Variants in MTREX observed in about 807,000 individuals in gnomAD.
MTREX encodes exosome RNA helicase MTR4.
A neutral mutation model predicts 135.4 loss-of-function variants in MTREX; 76 were observed. The ratio of observed to expected loss-of-function variants is 0.56; its 90% confidence interval spans 0.47 to 0.68. The LOEUF (loss-of-function observed/expected upper bound fraction) is 0.68, where lower values mean the gene tolerates loss of function less well. MTREX is among the 30% of genes least tolerant of loss of function. The pLI is 0.00. For synonymous variants in MTREX, 404 were observed against 401.6 expected (o/e 1.01, Z -0.07); for missense variants, 920 against 1,262.1 (o/e 0.73, Z 4.11).
At chr5:55,400,528 A>C in intron 21 of MTREX, 107 bp downstream of exon 21, 1 of 666,966 alleles carries the variant, frequency 1.5e-6, no homozygotes, top group Admixed American at 3.2e-5. Context: ...AAACAGGAAA[A>C]TGTGAGCTAT....
chr5:55,357,445 G>T, intron 14 of MTREX: 1 of 155,940 alleles, frequency 6.4e-6, no homozygotes, highest in South Asian at 1.9e-4. Flanking sequence ...GAGTGCCACT[G>T]AACAGCTGCA....
intron 16 of MTREX, among the ~76,000 whole-genome samples, chr5:55,368,649 TG>T (rs1216209632): frequency 2.6e-5 from 4 of 152,204 alleles, no homozygotes; most frequent in Admixed American, 2.6e-4. Flanking sequence ...TGGAGTGCAG[TG>T]GTACGATCAC....
intron 9 of MTREX, among the ~76,000 whole-genome samples, chr5:55,344,885 T>G (rs1270464951): frequency 6.6e-6 from 1 of 152,210 alleles, no homozygotes; most frequent in East Asian, 1.9e-4. Context: ...CTGGACATGT[T>G]TCAGATATCT....
intron 11 of MTREX, among the ~76,000 whole-genome samples, chr5:55,348,203 TGAAGACA>T (rs1366386595): frequency 2.0e-5 from 3 of 152,144 alleles, no homozygotes; most frequent in African/African-American, 4.8e-5. Context: ...ATCCCACGGC[TGAAGACA>T]GTAGGGCAGG....
chr5:55,422,883 ATAATTC>A lies in MTREX; in HGVS notation c.2978_2983del (p.Ile993_Arg995delinsSer). The A allele has an allele frequency of 6.2e-7, 1 of 1,612,940 alleles. No individual in the cohort carries two copies. Among genetic ancestry groups the A allele is most frequent in the Non-Finnish European group, 8.5e-7 (1 of 1,179,428 alleles). On this transcript the variant is annotated inframe_deletion, in exon 26 of 27. Transcript: ENST00000230640. Reference sequence around the variant, plus strand: ...TTTGTTCCTTTTCTATCCAGGCAGCATAATTCGTTGTATGAGGCGCCTGGAAGAATT... The same window carrying A: ...TTTGTTCCTTTTCTATCCAGGCAGCAGTTGTATGAGGCGCCTGGAAGAATT...
chr5:55,323,567 C>T (rs911388462), intron 2 of MTREX, among the ~76,000 whole-genome samples: 4 of 152,004 alleles, frequency 2.6e-5, no homozygotes, highest in African/African-American at 4.8e-5. Context: ...GGACTACAGG[C>T]GCGTGCCACC....
chr5:55,350,511 T>C (rs760017768), intron 12 of MTREX, among the ~76,000 whole-genome samples: 89 of 152,330 alleles, frequency 5.8e-4, no homozygotes, highest in Non-Finnish European at 9.1e-4. Flanking sequence ...CAATAATTGG[T>C]TTATTTTTAG....
rs116451048 is a variant in MTREX at position 55,397,838 on chromosome 5, G to A, written c.2292+312G>A. ...TATGTATAAAATCATGTACTGACAG[G>A]ACATTTAACCATTTTTTAATATAGT... On this transcript the variant is annotated intron_variant, in intron 20 of 26. Coordinates refer to ENST00000230640, the MANE Select transcript of MTREX (RefSeq NM_015360.5). Among the ~76,000 whole-genome samples the A allele has an allele frequency of 6.4e-3, 973 of 152,224 alleles. 7 individuals are homozygous for A. Among genetic ancestry groups the A allele is most frequent in the Non-Finnish European group, 0.01 (682 of 68,008 alleles).
chr5:55,339,084 G>A (rs984280002), intron 5 of MTREX, among the ~76,000 whole-genome samples: 1 of 151,938 alleles, frequency 6.6e-6, no homozygotes, highest in East Asian at 1.9e-4. Context: ...GAGCCACTGC[G>A]CCCGGCCTAA....
intron 5 of MTREX, 86 bp downstream of exon 5, chr5:55,328,897 A>G (rs1749423965): frequency 1.3e-6 from 1 of 780,660 alleles, no homozygotes; most frequent in South Asian, 1.7e-5. Flanking sequence ...CTGCTAGTGA[A>G]GATGGTTTTA....
At chr5:55,358,385 A>G (rs950187102) in intron 14 of MTREX, among the ~76,000 whole-genome samples, 188 bp from the exon 15 acceptor site, 1 of 152,158 alleles carries the variant, frequency 6.6e-6, no homozygotes, top group African/African-American at 2.4e-5. Flanking sequence ...GGTTTGAAAC[A>G]TTATTCTCAC....
chr5:55,390,646 A>G (rs1160267755), intron 19 of MTREX, among the ~76,000 whole-genome samples: 2 of 152,132 alleles, frequency 1.3e-5, no homozygotes, highest in East Asian at 1.9e-4. Flanking sequence ...CCACGTCATG[A>G]TAGTTAAATG....
At chr5:55,331,053 G>A (rs754633528) in intron 5 of MTREX, among the ~76,000 whole-genome samples, 3 of 151,216 alleles carry the variant, frequency 2.0e-5, no homozygotes, top group Admixed American at 6.6e-5. Context: ...AGTGTTTTCC[G>A]TATTTTTACT....
intron 21 of MTREX, 36 bp from the exon 22 acceptor site, chr5:55,405,389 A>G (rs759032519): frequency 6.5e-7 from 1 of 1,532,250 alleles, no homozygotes; most frequent in Non-Finnish European, 9.0e-7. Flanking sequence ...TGTTCACTTT[A>G]TTATTGAACT....
chr5:55,424,540 GT>G, intron 26 of MTREX, 179 bp from the exon 27 acceptor site: 1 of 566,452 alleles, frequency 1.8e-6, no homozygotes, highest in East Asian at 2.9e-5. Flanking sequence ...TGGCTTGTAT[GT>G]TTTCCACCTC....
chr5:55,406,421 A>T (rs1003943050), intron 22 of MTREX, among the ~76,000 whole-genome samples: 1 of 152,224 alleles, frequency 6.6e-6, no homozygotes, highest in African/African-American at 2.4e-5. Context: ...GTATGGCAGC[A>T]GCCTCAGGAT....
intron 19 of MTREX, among the ~76,000 whole-genome samples, chr5:55,393,655 A>G (rs1349196638): frequency 6.6e-6 from 1 of 152,190 alleles, no homozygotes; most frequent in East Asian, 1.9e-4. Flanking sequence ...ACTTCCTGTT[A>G]TTGGTATTCT....
Position 55,344,622 on chromosome 5 carries a change from T to G in MTREX, c.1005+2T>G. The G allele has an allele frequency of 1.3e-6, 2 of 1,545,442 alleles. No homozygotes were observed. Among genetic ancestry groups the G allele is most frequent in the Non-Finnish European group, 1.8e-6 (2 of 1,121,126 alleles). The stretch of plus-strand genomic sequence containing the variant: ...CTGCATCTTGTGGTTGATGAAAATG[T>G]AAGAGAGTAATTGTCCTTTTTAAAT... On this transcript the variant is annotated splice_donor_variant, in intron 9 of 26. Coordinates refer to ENST00000230640, the MANE Select transcript of MTREX (RefSeq NM_015360.5). LOFTEE classifies it high-confidence loss of function.
chr5:55,341,839 T>C (rs1341295851), intron 7 of MTREX, 68 bp downstream of exon 7: 3 of 798,666 alleles, frequency 3.8e-6, no homozygotes, highest in Non-Finnish European at 6.0e-6. Context: ...TTTGAGCAAG[T>C]TATTGTTAAA....
Sources: allele counts gnomAD v4.1 joint callset (sites outside exome capture counted in the v4.1 genomes callset), GRCh38; gene constraint gnomAD v4.1.1; transcripts MANE v1.5; gene names NCBI Gene and HGNC (gene_info 2026-07-23, HGNC 2026-07-21).